Variants in RAB38 observed in about 807,000 individuals in gnomAD.
RAB38 encodes RAB38, member RAS oncogene family.
Under a neutral mutation model 18.4 loss-of-function variants are expected in RAB38, and 15 were observed. The ratio of observed to expected loss-of-function variants is 0.82; its 90% CI spans 0.55 to 1.26. RAB38 has a LOEUF of 1.26. Among genes scored for constraint, RAB38 ranks in the 50% most tolerant of loss-of-function variants. The pLI is 0.00. For missense variants in RAB38, 294 were observed against 267.4 expected (o/e 1.10, Z -0.69); for synonymous variants, 101 against 104.4 (o/e 0.97, Z 0.20).
At chr11:87,977,452 A>G in the RAB38 span, among the ~76,000 whole-genome samples, 1 of 88,612 alleles carries the variant, frequency 1.1e-5, no homozygotes, top group East Asian at 3.1e-4. Flanking sequence ...TAATTATATT[A>G]CATAATATAA....
intron 2 of RAB38, among the ~76,000 whole-genome samples, chr11:88,134,777 T>C (rs1313677204): frequency 1.3e-5 from 2 of 152,212 alleles, no homozygotes; most frequent in Non-Finnish European, 2.9e-5. Context: ...ACAAAACCAC[T>C]GCAACGATCC....
chr11:88,123,696 T>C lies in RAB38; in HGVS notation c.484-9556A>G, dbSNP rs371509610. The stretch of plus-strand genomic sequence containing the variant: ...AGGTGATTTCAGTGCATTTAATAAC[T>C]AAATGTACTTAGGCAAAATATTTAA... On this transcript the variant is annotated intron_variant, in intron 2 of 2. Coordinates refer to ENST00000243662, the MANE Select transcript of RAB38 (RefSeq NM_022337.3). 5.9e-5 allele frequency among the ~76,000 whole-genome samples: 9 copies of C among 152,332 alleles called. No homozygotes were observed. The East Asian group carries it at 9.6e-4, about 16-fold the overall frequency.
chr11:88,049,830 G>A, the RAB38 span, among the ~76,000 whole-genome samples: 1 of 152,266 alleles, frequency 6.6e-6, no homozygotes, highest in East Asian at 1.9e-4. Flanking sequence ...TTCACCGTCT[G>A]GGCCAAATGT....
chr11:88,049,023 A>T, the RAB38 span, among the ~76,000 whole-genome samples: 4 of 151,852 alleles, frequency 2.6e-5, no homozygotes, highest in African/African-American at 9.7e-5. Flanking sequence ...TCTTCTAACA[A>T]CCCCACAATA....
the RAB38 span, among the ~76,000 whole-genome samples, chr11:88,073,666 C>T: frequency 6.6e-6 from 1 of 151,710 alleles, no homozygotes; most frequent in African/African-American, 2.4e-5. Flanking sequence ...TTGTGATTTT[C>T]TCAAATGCAC....
chr11:87,907,188 A>T, the RAB38 span, among the ~76,000 whole-genome samples: 1 of 151,926 alleles, frequency 6.6e-6, no homozygotes, highest in Non-Finnish European at 1.5e-5. Flanking sequence ...AACAACACTG[A>T]TTTCTTAGCA....
chr11:88,076,410 A>G, the RAB38 span, among the ~76,000 whole-genome samples: 1 of 152,190 alleles, frequency 6.6e-6, no homozygotes, highest in Non-Finnish European at 1.5e-5. Flanking sequence ...GTGTAATACT[A>G]GGAGTCCTGG....
At chr11:87,914,656 G>A in the RAB38 span, among the ~76,000 whole-genome samples, 9 of 152,120 alleles carry the variant, frequency 5.9e-5, no homozygotes, top group African/African-American at 1.2e-4. Flanking sequence ...TGCTTGTTAC[G>A]TAATAGTGAA....
chr11:87,941,928 T>G, the RAB38 span, among the ~76,000 whole-genome samples: 2 of 152,162 alleles, frequency 1.3e-5, no homozygotes, highest in Non-Finnish European at 2.9e-5. Flanking sequence ...GGATCATCCC[T>G]GAAGGGAGTG....
chr11:87,963,580 C>A, the RAB38 span, among the ~76,000 whole-genome samples: 6 of 151,730 alleles, frequency 4.0e-5, no homozygotes, highest in South Asian at 1.3e-3. Flanking sequence ...AAAATACAAG[C>A]AGAGTTAAAA....
chr11:87,869,722 A>G, the RAB38 span, among the ~76,000 whole-genome samples: 1 of 151,440 alleles, frequency 6.6e-6, no homozygotes, highest in Non-Finnish European at 1.5e-5. Context: ...GTATTCCCTT[A>G]TGTTTTCTTC....
At chr11:87,976,677 ATATT>A in the RAB38 span, among the ~76,000 whole-genome samples, 4,992 of 118,926 alleles carry the variant, frequency 0.042, 132 homozygotes, top group South Asian at 0.09. Flanking sequence ...TATATGATAT[ATATT>A]TATATATTTA....
At chr11:87,844,829 C>T in the RAB38 span, among the ~76,000 whole-genome samples, 1 of 152,078 alleles carries the variant, frequency 6.6e-6, no homozygotes, top group Non-Finnish European at 1.5e-5. Flanking sequence ...AGACCCAAAC[C>T]AACATTGTAC....
At chr11:88,136,212 C>T (rs1275169984) in intron 2 of RAB38, among the ~76,000 whole-genome samples, 1 of 152,210 alleles carries the variant, frequency 6.6e-6, no homozygotes, top group Non-Finnish European at 1.5e-5. Flanking sequence ...GCTGCTGCTG[C>T]TCCTCACTTT....
the RAB38 span, among the ~76,000 whole-genome samples, chr11:88,045,773 A>G: frequency 6.6e-6 from 1 of 151,132 alleles, no homozygotes; most frequent in Non-Finnish European, 1.5e-5. Flanking sequence ...AAGGCTACCC[A>G]CTCCACATTA....
the RAB38 span, among the ~76,000 whole-genome samples, chr11:87,976,462 T>A: frequency 2.3e-4 from 31 of 134,804 alleles, no homozygotes; most frequent in South Asian, 6.8e-4. Flanking sequence ...TAAATATATA[T>A]ATTTTACATA....
the RAB38 span, among the ~76,000 whole-genome samples, chr11:88,007,450 T>A: frequency 6.6e-6 from 1 of 152,092 alleles, no homozygotes; most frequent in East Asian, 1.9e-4. Context: ...TTTTGACAGA[T>A]ACTTCATCAA....
At chr11:88,147,302 T>A (rs1443186978) in intron 2 of RAB38, among the ~76,000 whole-genome samples, 1 of 152,080 alleles carries the variant, frequency 6.6e-6, no homozygotes, top group East Asian at 1.9e-4. Flanking sequence ...ATTGACTGAA[T>A]GAATGAATGA....
At chr11:88,067,276 C>T in the RAB38 span, among the ~76,000 whole-genome samples, 1 of 150,324 alleles carries the variant, frequency 6.7e-6, no homozygotes, top group South Asian at 2.1e-4. Context: ...GTTAGCATTA[C>T]ACAACAAGTT....
Sources: gnomAD v4.1 joint callset for allele counts (sites outside exome capture counted in the v4.1 genomes callset) on GRCh38, gnomAD v4.1.1 for gene constraint, MANE v1.5 for transcripts, NCBI Gene and HGNC (gene_info 2026-07-23, HGNC 2026-07-21) for gene names.